Variants in SGCZ observed in about 807,000 individuals in gnomAD.
The protein encoded by SGCZ is zeta-sarcoglycan.
Under a neutral mutation model 41.3 loss-of-function variants are expected in SGCZ, and 40 were observed. The ratio of observed to expected loss-of-function variants is 0.97; its 90% CI spans 0.75 to 1.26. The LOEUF (loss-of-function observed/expected upper bound fraction) is 1.26, where lower values mean the gene tolerates loss of function less well. SGCZ is among the 50% of genes most tolerant of loss of function. SGCZ has a pLI of 0.00. For synonymous variants in SGCZ, 206 were observed against 137.5 expected, an observed-to-expected ratio of 1.50 and a Z score of -3.49; for missense variants, 552 against 369.8, an observed-to-expected ratio of 1.49 and a Z score of -4.04.
intron 4 of SGCZ, among the ~76,000 whole-genome samples, chr8:14,175,196 T>C (rs1226805205): frequency 6.6e-6 from 1 of 152,108 alleles, no homozygotes; most frequent in East Asian, 1.9e-4. Flanking sequence ...CTAGCAAAAT[T>C]ATCATCCAAG....
At chr8:14,134,232 T>C (rs575588179) in intron 5 of SGCZ, among the ~76,000 whole-genome samples, 11 of 152,192 alleles carry the variant, frequency 7.2e-5, no homozygotes, top group Non-Finnish European at 1.3e-4. Context: ...ATAATAGATA[T>C]GTGAAATTTT....
chr8:14,362,308 C>A (rs934792339), intron 2 of SGCZ, among the ~76,000 whole-genome samples: 1 of 152,178 alleles, frequency 6.6e-6, no homozygotes, highest in Non-Finnish European at 1.5e-5. Context: ...GGCAGTAGGC[C>A]TTGCTGAGCT....
At chr8:14,625,222 A>T (rs530892219) in intron 1 of SGCZ, among the ~76,000 whole-genome samples, 1 of 152,258 alleles carries the variant, frequency 6.6e-6, no homozygotes, top group African/African-American at 2.4e-5. Context: ...AACATTTTTT[A>T]ACATACTACA....
chr8:14,218,462 G>A (rs1184087190), intron 4 of SGCZ, among the ~76,000 whole-genome samples: 1 of 152,198 alleles, frequency 6.6e-6, no homozygotes, highest in Non-Finnish European at 1.5e-5. Context: ...TCTGTTCCCA[G>A]ATTAGAAAAC....
At chr8:14,237,499 C>CAACA (rs144265627) in intron 4 of SGCZ, 93 bp downstream of exon 4, 316,693 of 1,156,230 alleles carry the variant, frequency 0.27, 47,186 homozygotes, top group East Asian at 0.42. Flanking sequence ...ACAACAACAA[C>CAACA]AACAACAACG....
chr8:14,130,418 C>T (rs771657732), intron 5 of SGCZ, among the ~76,000 whole-genome samples: 1 of 151,924 alleles, frequency 6.6e-6, no homozygotes, highest in African/African-American at 2.4e-5. Flanking sequence ...ATATAGATAA[C>T]AGTCCTTCCT....
intron 2 of SGCZ, among the ~76,000 whole-genome samples, chr8:14,508,047 C>T (rs952146861): frequency 2.0e-5 from 3 of 151,994 alleles, no homozygotes; most frequent in Non-Finnish European, 4.4e-5. Flanking sequence ...CTAGGATTAC[C>T]GGCGTGAGTC....
At chr8:14,294,814 C>G (rs1023128394) in intron 3 of SGCZ, among the ~76,000 whole-genome samples, 2 of 151,934 alleles carry the variant, frequency 1.3e-5, no homozygotes, top group Non-Finnish European at 2.9e-5. Context: ...CATATGAAAT[C>G]GCTGTTAGAT....
intron 1 of SGCZ, among the ~76,000 whole-genome samples, chr8:14,915,752 C>G (rs546278403): frequency 9.9e-5 from 15 of 152,226 alleles, no homozygotes; most frequent in Admixed American, 3.9e-4. Flanking sequence ...TGGTCCCTGC[C>G]TCCCTGCTTT....
chr8:14,390,760 T>C (rs889094628), intron 2 of SGCZ, among the ~76,000 whole-genome samples: 2 of 152,164 alleles, frequency 1.3e-5, no homozygotes, highest in Non-Finnish European at 2.9e-5. Context: ...TTTTTCACAA[T>C]TTCATTGGCA....
intron 1 of SGCZ, among the ~76,000 whole-genome samples, chr8:15,123,452 G>A (rs1317370583): frequency 6.6e-6 from 1 of 152,046 alleles, no homozygotes; most frequent in Non-Finnish European, 1.5e-5. Context: ...TTTAATCATA[G>A]ACTAGAATCC....
chr8:14,699,378 A>G (rs1809064906), intron 1 of SGCZ, among the ~76,000 whole-genome samples: 1 of 151,802 alleles, frequency 6.6e-6, no homozygotes, highest in African/African-American at 2.4e-5. Flanking sequence ...AGGGCTCTAT[A>G]TTCAATAAGT....
intron 1 of SGCZ, among the ~76,000 whole-genome samples, chr8:14,692,566 C>A (rs1265837479): frequency 5.9e-5 from 9 of 152,060 alleles, no homozygotes; most frequent in Admixed American, 5.9e-4. Context: ...GCATATTTTC[C>A]TCTGATCCTA....
chr8:14,311,281 A>G (rs183107938), intron 3 of SGCZ, among the ~76,000 whole-genome samples: 1 of 152,212 alleles, frequency 6.6e-6, no homozygotes, highest in East Asian at 1.9e-4. Context: ...AAGAAGAGTA[A>G]CTTTAACTGA....
chr8:14,865,654 G>C (rs1455413447), intron 1 of SGCZ, among the ~76,000 whole-genome samples: 6 of 152,022 alleles, frequency 3.9e-5, no homozygotes, highest in Non-Finnish European at 7.4e-5. Flanking sequence ...ATTACATAAG[G>C]GGCCAGGCCA....
intron 1 of SGCZ, among the ~76,000 whole-genome samples, chr8:14,694,035 T>C (rs1221439233): frequency 6.6e-6 from 1 of 152,238 alleles, no homozygotes; most frequent in Admixed American, 6.5e-5. Flanking sequence ...ATAGCAGTTG[T>C]AAGTTGTCAT....
At chr8:14,175,188 A>C (rs1804506337) in intron 4 of SGCZ, among the ~76,000 whole-genome samples, 1 of 152,182 alleles carries the variant, frequency 6.6e-6, no homozygotes, top group Non-Finnish European at 1.5e-5. Flanking sequence ...TTTTATGTCT[A>C]GCAAAATTAT....
At chr8:14,444,262 C>A (rs1421884120) in intron 2 of SGCZ, among the ~76,000 whole-genome samples, 2 of 152,154 alleles carry the variant, frequency 1.3e-5, no homozygotes, top group East Asian at 3.9e-4. Flanking sequence ...GGCGATTCCT[C>A]AGGGATCTAG....
rs188331844 is a variant in SGCZ at position 14,543,821 on chromosome 8, G to A, written c.234+10911C>T. 3.8e-3 allele frequency among the ~76,000 whole-genome samples: 572 copies of A among 152,090 alleles called. 5 individuals are homozygous for A. Among genetic ancestry groups the A allele is most frequent in the African/African-American group, 0.013 (533 of 41,506 alleles). ...AGTACCATAGTAATATAGCATTTTC[G>A]GACTGAGTTCAAATTCTGTTTGACT... On this transcript the variant is annotated intron_variant, in intron 2 of 7. Transcript: ENST00000382080.
Sources: allele counts gnomAD v4.1 joint callset (sites outside exome capture counted in the v4.1 genomes callset), GRCh38; gene constraint gnomAD v4.1.1; transcripts MANE v1.5; gene names NCBI Gene and HGNC (gene_info 2026-07-23, HGNC 2026-07-21).